DLGAP2: variants seen among roughly 807,000 people sequenced by gnomAD.
The protein encoded by DLGAP2 is DLG associated protein 2.
DLGAP2 carries 26 observed loss-of-function variants against 100.3 expected under a neutral mutation model. The ratio of observed to expected loss-of-function variants is 0.26; its 90% confidence interval spans 0.19 to 0.36. The LOEUF is 0.36. Ranked by LOEUF, DLGAP2 falls within the 10% of genes least tolerant of loss-of-function variation. The pLI is 1.00. For missense variants in DLGAP2, 1,858 were observed against 1,453.2 expected, an observed-to-expected ratio of 1.28 and a Z score of -4.53; for synonymous variants, 886 against 630.1, an observed-to-expected ratio of 1.41 and a Z score of -6.08.
intron 2 of DLGAP2, among the ~76,000 whole-genome samples, chr8:1,179,565 G>T (rs17753534): frequency 6.6e-6 from 1 of 152,238 alleles, no homozygotes. Flanking sequence ...CAAGACGGTG[G>T]AATTAATTTG....
chr8:1,255,529 T>C (rs1166864828), intron 2 of DLGAP2, among the ~76,000 whole-genome samples: 94 of 114,538 alleles, frequency 8.2e-4, no homozygotes, highest in South Asian at 3.1e-3. Flanking sequence ...ATCTCCTGCC[T>C]GGGAGCTGTG....
intron 1 of DLGAP2, among the ~76,000 whole-genome samples, chr8:872,951 A>G (rs192115780): frequency 1.3e-5 from 2 of 152,296 alleles, no homozygotes; most frequent in East Asian, 1.9e-4. Context: ...ATTTTTGCCT[A>G]TAACCTACAC....
At chr8:1,328,267 C>G (rs1357122849) in intron 3 of DLGAP2, among the ~76,000 whole-genome samples, 2 of 151,886 alleles carry the variant, frequency 1.3e-5, no homozygotes, top group Admixed American at 6.6e-5. Context: ...GTCTCAAACT[C>G]CTGACCTCGT....
chr8:889,067 CAGACTGGAGG>C (rs1308530717), intron 1 of DLGAP2, among the ~76,000 whole-genome samples: 2 of 152,126 alleles, frequency 1.3e-5, no homozygotes, highest in Admixed American at 1.3e-4. Flanking sequence ...CTCTGGCGGG[CAGACTGGAGG>C]TCACAAGGTG....
At chr8:1,590,030 C>T (rs146540333) in intron 6 of DLGAP2, among the ~76,000 whole-genome samples, 392 of 152,288 alleles carry the variant, frequency 2.6e-3, no homozygotes, top group South Asian at 0.023. Context: ...GCTCCCTGCA[C>T]GTCTCTAGGG....
intron 4 of DLGAP2, among the ~76,000 whole-genome samples, chr8:1,536,795 T>G (rs531876575): frequency 1.6e-4 from 25 of 152,334 alleles, no homozygotes; most frequent in African/African-American, 6.0e-4. Flanking sequence ...TCTTTATTTT[T>G]ATTTCCATTC....
rs1466818723 is a variant in DLGAP2, at chr8:1,316,135, G to A, written c.106+57252G>A. Among the ~76,000 whole-genome samples, 7 of 124,708 alleles carry A rather than the reference G, an allele frequency of 5.6e-5. 1 individual carries two copies. Among genetic ancestry groups the A allele is most frequent in the South Asian group, 2.8e-4 (1 of 3,562 alleles). 81.8% of individuals were successfully genotyped at this position (124,708 alleles called of 152,430 possible). ...CAGCTTTTAAAAATAGAGCGTGTGC[G>A]AGTGCAGCGTCTCCCCAACAGTGGT... On this transcript the variant is annotated intron_variant, in intron 3 of 14. Coordinates refer to ENST00000637795, the MANE Select transcript of DLGAP2 (RefSeq NM_001346810.2).
intron 8 of DLGAP2, among the ~76,000 whole-genome samples, chr8:1,664,976 G>A (rs1315397554): frequency 6.6e-6 from 1 of 152,170 alleles, no homozygotes; most frequent in African/African-American, 2.4e-5. Context: ...TACGCTGGAG[G>A]TGAACTGCTC....
intron 2 of DLGAP2, among the ~76,000 whole-genome samples, chr8:954,669 C>T (rs1249165235): frequency 6.6e-6 from 1 of 151,990 alleles, no homozygotes; most frequent in Non-Finnish European, 1.5e-5. Flanking sequence ...GGAAAATAAG[C>T]AATATATTGA....
intron 1 of DLGAP2, among the ~76,000 whole-genome samples, chr8:768,938 C>G (rs572057114): frequency 8.3e-4 from 127 of 152,256 alleles, no homozygotes; most frequent in African/African-American, 2.8e-3. Context: ...TGGCTCTGGT[C>G]TGAACCTTGG....
chr8:903,502 C>T (rs1798305267), intron 1 of DLGAP2, among the ~76,000 whole-genome samples: 1 of 152,140 alleles, frequency 6.6e-6, no homozygotes, highest in African/African-American at 2.4e-5. Flanking sequence ...CGACGGTCAC[C>T]ATCTCAGAAT....
At chr8:1,224,040 C>T (rs1001828813) in intron 2 of DLGAP2, among the ~76,000 whole-genome samples, 2 of 152,142 alleles carry the variant, frequency 1.3e-5, no homozygotes, top group African/African-American at 4.8e-5. Flanking sequence ...TCAAGTTAAG[C>T]AATGAATCAA....
chr8:1,377,327 G>C (rs185251223), intron 3 of DLGAP2, among the ~76,000 whole-genome samples: 1 of 152,192 alleles, frequency 6.6e-6, no homozygotes, highest in Non-Finnish European at 1.5e-5. Context: ...GGCGAATCAC[G>C]AAGTCAGGAG....
At chr8:1,310,117 T>C (rs896195049) in intron 3 of DLGAP2, among the ~76,000 whole-genome samples, 4 of 150,502 alleles carry the variant, frequency 2.7e-5, no homozygotes, top group African/African-American at 9.8e-5. Flanking sequence ...GGAGCTGTTA[T>C]AAATCTAGGG....
chr8:1,470,794 A>AC (rs1798764690), intron 3 of DLGAP2, among the ~76,000 whole-genome samples: 1 of 87,858 alleles, frequency 1.1e-5, no homozygotes, highest in Non-Finnish European at 2.5e-5. Context: ...GCCTTTCCCG[A>AC]CCCCTCCAGC....
At chr8:1,020,655 C>G (rs1801600504) in intron 2 of DLGAP2, among the ~76,000 whole-genome samples, 3 of 152,204 alleles carry the variant, frequency 2.0e-5, no homozygotes, top group Non-Finnish European at 2.9e-5. Flanking sequence ...TGTGAGCACC[C>G]TGATCTTAGG....
chr8:1,559,861 T>C (rs1300824767), intron 5 of DLGAP2, among the ~76,000 whole-genome samples: 2 of 152,200 alleles, frequency 1.3e-5, no homozygotes, highest in Non-Finnish European at 2.9e-5. Flanking sequence ...CGCCTCTGCC[T>C]GCACCTTCTG....
chr8:742,025 C>G (rs144639823), intron 1 of DLGAP2, among the ~76,000 whole-genome samples: 1 of 152,342 alleles, frequency 6.6e-6, no homozygotes, highest in African/African-American at 2.4e-5. Context: ...GTTGGAAGCT[C>G]TGAACTAAGT....
intron 2 of DLGAP2, among the ~76,000 whole-genome samples, chr8:1,139,096 G>C (rs764176266): frequency 6.6e-6 from 1 of 152,198 alleles, no homozygotes; most frequent in Non-Finnish European, 1.5e-5. Context: ...GTGTTTCCTC[G>C]GGTGATGACT....
Sources: allele counts gnomAD v4.1 joint callset (sites outside exome capture counted in the v4.1 genomes callset), GRCh38; gene constraint gnomAD v4.1.1; transcripts MANE v1.5; gene names NCBI Gene and HGNC (gene_info 2026-07-23, HGNC 2026-07-21).